The following TMEM161A variants were observed in gnomAD, a reference collection of about 807,000 sequenced individuals.
The protein encoded by TMEM161A is transmembrane protein 161A.
A neutral mutation model predicts 57.1 loss-of-function variants in TMEM161A; 46 were observed. The observed-to-expected ratio is 0.81, with a 90% CI of 0.64 to 1.03. The LOEUF (loss-of-function observed/expected upper bound fraction) is 1.03. Among genes scored for constraint, TMEM161A ranks in the 50% least tolerant of loss-of-function variants. The probability of loss-of-function intolerance (pLI) is 0.00; values close to 1 mark genes in which losing one functional copy is unlikely to be tolerated. For synonymous variants in TMEM161A, 288 were observed against 279.0 expected (o/e 1.03, Z -0.32); for missense variants, 601 against 621.5 (o/e 0.97, Z 0.35).
At position 19,120,898 on chromosome 19, in the gene TMEM161A, CCTT is replaced by C. The variant is rs780275694; in HGVS notation, c.1090-40_1090-38del. ...TAGCAGGGGTGGCTGCAGCAGGAGG[CCTT>C]CTGGTTTGGGACGACTCCACGCCCA... is the stretch of plus-strand genomic sequence containing the variant. On this transcript the variant is annotated intron_variant, in intron 10 of 11. Coordinates refer to ENST00000162044, the MANE Select transcript of TMEM161A (RefSeq NM_017814.3). The C allele has an allele frequency of 1.9e-6, 3 of 1,612,296 alleles. No individual in the cohort carries two copies. In the African/African-American group the frequency reaches 4.0e-5, roughly 21 times the overall value.
chr19:19,127,448 T>C (rs577222869), intron 6 of TMEM161A, among the ~76,000 whole-genome samples: 120 of 150,922 alleles, frequency 8.0e-4, no homozygotes, highest in Middle Eastern at 3.4e-3. Context: ...GCCTCCCGAG[T>C]AGCTGGGACT....
rs368170931 is a variant in TMEM161A at position 19,132,483 on chromosome 19, C to G, written c.312G>C (p.Gln104His). 1.2e-6 allele frequency: 2 copies of G among 1,614,110 alleles called. No individual in the cohort carries two copies. Among genetic ancestry groups the G allele is most frequent in the African/African-American group, 2.7e-5 (2 of 75,054 alleles). Residue 104 changes from glutamine to histidine, a missense_variant, in exon 5 of 12, where the codon CAG becomes CAC. Transcript: ENST00000162044. This position sits in a 1 kb window ranked among gnomAD's most constrained non-coding sequence, Gnocchi z 4.3. ...AGTACACAGCAAAGTCCACAAACCACTGGTACTCCAGGAAGAAGCGCAGGA... is the reference window on the plus strand; with the variant it reads ...AGTACACAGCAAAGTCCACAAACCAGTGGTACTCCAGGAAGAAGCGCAGGA... ...ALVLRFFLEY[Q>H]WFVDFAVYSG...
Position 19,132,211 on chromosome 19 carries a change from A to C in TMEM161A, c.443+141T>G, listed in dbSNP as rs1160506773. 2 of 997,112 alleles carry C rather than the reference A, an allele frequency of 2.0e-6. No homozygotes were observed. The highest frequency in any genetic ancestry group is 3.2e-5 in the African/African-American group (2 of 61,594). The allele number at this position is 997,112 out of a possible 1,614,324, so 61.8% of individuals were successfully genotyped here. The stretch of plus-strand genomic sequence containing the variant: ...GTCCACCCACAGAGCTGGAGCACAT[A>C]AAATGTCTGCTTCATGTCACTAAGC... On this transcript the variant is annotated intron_variant, in intron 5 of 11. Transcript: ENST00000162044. The surrounding 1 kb of genome is among the most constrained non-coding windows in gnomAD (Gnocchi z 4.3).
chr19:19,130,951 G>A (rs2059955705), intron 5 of TMEM161A, among the ~76,000 whole-genome samples: 1 of 151,948 alleles, frequency 6.6e-6, no homozygotes, highest in Admixed American at 6.6e-5. Flanking sequence ...AGGCGCAGTG[G>A]CTCATGCCTG....
intron 5 of TMEM161A, among the ~76,000 whole-genome samples, chr19:19,131,810 G>A (rs1176044609): frequency 6.6e-6 from 1 of 152,056 alleles, no homozygotes; most frequent in Non-Finnish European, 1.5e-5. Context: ...ACAGGCATGA[G>A]CCACCGCGCC....
At chr19:19,138,054 A>G (rs527678808) in intron 1 of TMEM161A, among the ~76,000 whole-genome samples, 6 of 152,140 alleles carry the variant, frequency 3.9e-5, no homozygotes, top group Middle Eastern at 3.4e-3. Context: ...CCCCGTCCCC[A>G]GAGTGGACCC....
At position 19,130,291 on chromosome 19, in the gene TMEM161A, C is replaced by T; in HGVS notation, c.460G>A (p.Val154Met). 6.2e-7 allele frequency: 1 copy of T among 1,613,426 alleles called. No homozygotes were observed. Among genetic ancestry groups the T allele is most frequent in the South Asian group, 1.1e-5 (1 of 91,088 alleles). ...VTFSIKMFLT[V>M]TRLYFSAEEG... ...TCGGCGCTGAAGTACAGCCGTGTCACTGTCAGGAACATCTTGCTGGAGGCT... is the reference window on the plus strand; with the variant it reads ...TCGGCGCTGAAGTACAGCCGTGTCATTGTCAGGAACATCTTGCTGGAGGCT... Residue 154 changes from valine (V) to methionine (M), a missense_variant, in exon 6 of 12, where the codon GTG becomes ATG. By Grantham distance (21) the Val-to-Met change is conservative. Coordinates refer to ENST00000162044, the MANE Select transcript of TMEM161A (RefSeq NM_017814.3).
In TMEM161A at chr19:19,132,578, A is replaced by G; in HGVS notation, c.287-70T>C. 6.3e-7 allele frequency: 1 copy of G among 1,576,746 alleles called. No homozygotes were observed. Among genetic ancestry groups the G allele is most frequent in the Non-Finnish European group, 8.6e-7 (1 of 1,160,402 alleles). On this transcript the variant is annotated intron_variant, in intron 4 of 11. Coordinates refer to ENST00000162044, the MANE Select transcript of TMEM161A (RefSeq NM_017814.3). The surrounding 1 kb of genome is among the most constrained non-coding windows in gnomAD (Gnocchi z 4.3). ...CTCCTAATAGAACATTCTTCCTTCA[A>G]ATCCTCCCCACCCCCATGAGGGTGT...
intron 6 of TMEM161A, among the ~76,000 whole-genome samples, chr19:19,129,410 G>T (rs1368128636): frequency 6.6e-6 from 1 of 152,060 alleles, no homozygotes; most frequent in Admixed American, 6.6e-5. Flanking sequence ...GGAGTGTGGT[G>T]CCGGGCAGAG....
In TMEM161A at chr19:19,127,003, C is replaced by T. The variant is rs539161239; in HGVS notation, c.595+3153G>A. Reference sequence around the variant, plus strand: ...CAAAGGTTGCAGTGAGTGGAGATCACGCCACCACTGCACTCCAGCCAGGGC... The same window carrying T: ...CAAAGGTTGCAGTGAGTGGAGATCATGCCACCACTGCACTCCAGCCAGGGC... On this transcript the variant is annotated intron_variant, in intron 6 of 11. Transcript: ENST00000162044. 2.8e-4 allele frequency among the ~76,000 whole-genome samples: 42 copies of T among 152,122 alleles called. No individual in the cohort carries two copies. In the East Asian group the frequency reaches 5.0e-3, roughly 18 times the overall value.
chr19:19,122,454 T>C lies in TMEM161A; in HGVS notation c.596-635A>G, dbSNP rs371517445. ...ACCAAAGTCCTCCTGGAGGAAGGAA[T>C]CCTCAATTCAGGACCCAAGATTTTT... On this transcript the variant is annotated intron_variant, in intron 6 of 11. Transcript: ENST00000162044. Among the ~76,000 whole-genome samples, 38 of 152,092 alleles carry C rather than the reference T, an allele frequency of 2.5e-4. No homozygotes were observed. In the South Asian group the frequency reaches 7.1e-3, roughly 28 times the overall value.
chr19:19,135,842 T>C (rs1482842673), intron 1 of TMEM161A, among the ~76,000 whole-genome samples: 1 of 152,130 alleles, frequency 6.6e-6, no homozygotes, highest in Non-Finnish European at 1.5e-5. Context: ...TCCCAAACGG[T>C]TGGGATTACA....
rs762042451 is a variant in TMEM161A at position 19,120,842 on chromosome 19, T to C, written c.1109A>G (p.Tyr370Cys). The C allele has an allele frequency of 6.8e-6, 11 of 1,613,284 alleles. No individual in the cohort carries two copies. Among genetic ancestry groups the C allele is most frequent in the South Asian group, 4.4e-5 (4 of 91,090 alleles). Residue 370 changes from tyrosine to cysteine, a missense_variant, in exon 11 of 12, where the codon TAT (tyrosine) becomes TGT (cysteine). Physicochemically the swap from Tyr to Cys is radical, Grantham distance 194 (BLOSUM62 -2). Coordinates refer to ENST00000162044, the MANE Select transcript of TMEM161A (RefSeq NM_017814.3). The part of the protein sequence containing the change: ...IQQRVVRVYC[Y>C]VTVVSLQYLT... ...GTACTGCAAGCTCACCACGGTCACA[T>C]AGCAGTAGACTCGGACCACCTGTGG...
chr19:19,133,752 G>A (rs936328355), intron 2 of TMEM161A, among the ~76,000 whole-genome samples: 7 of 152,164 alleles, frequency 4.6e-5, no homozygotes, highest in Non-Finnish European at 1.0e-4. Flanking sequence ...GATTACAGGT[G>A]TGAGCCACCT....
intron 6 of TMEM161A, among the ~76,000 whole-genome samples, chr19:19,124,080 GACAGAAGGGTTCC>G (rs2059921630): frequency 6.6e-6 from 1 of 151,560 alleles, no homozygotes; most frequent in Admixed American, 6.6e-5. Context: ...AGTATTAGAA[GACAGAAGGGTTCC>G]ATACATCATG....
intron 11 of TMEM161A, among the ~76,000 whole-genome samples, 153 bp from the exon 12 acceptor site, chr19:19,120,336 GC>G (rs2059902588): frequency 6.6e-6 from 1 of 151,576 alleles, no homozygotes; most frequent in South Asian, 2.1e-4. Context: ...CTCAGGCGCT[GC>G]CCCCTGTCCA....
intron 6 of TMEM161A, among the ~76,000 whole-genome samples, chr19:19,122,641 G>A (rs984636221): frequency 3.3e-5 from 5 of 152,018 alleles, no homozygotes; most frequent in African/African-American, 1.2e-4. Flanking sequence ...CAGGGGTGGT[G>A]GTGCACGCCT....
chr19:19,120,737 C>T (rs763501698), intron 11 of TMEM161A, 28 bp downstream of exon 11: 7 of 1,605,854 alleles, frequency 4.4e-6, no homozygotes, highest in Non-Finnish European at 6.0e-6. Context: ...CTCCGCCCCT[C>T]CTCCACCCCC....
intron 6 of TMEM161A, among the ~76,000 whole-genome samples, chr19:19,127,667 C>T (rs896887201): frequency 4.6e-5 from 7 of 151,778 alleles, no homozygotes; most frequent in Admixed American, 2.6e-4. Context: ...CAGTGGCTCA[C>T]GCCTGTCATC....
Sources: allele counts gnomAD v4.1 joint callset (sites outside exome capture counted in the v4.1 genomes callset), GRCh38; gene constraint gnomAD v4.1.1; non-coding constraint Gnocchi (gnomAD v3.1); transcripts MANE v1.5; gene names NCBI Gene and HGNC (gene_info 2026-07-23, HGNC 2026-07-21).